Variants in FAM200B observed in about 807,000 individuals in gnomAD.
FAM200B encodes protein FAM200B.
FAM200B carries 32 observed loss-of-function variants against 33.1 expected under a neutral mutation model. That is an observed-to-expected ratio of 0.97 (90% CI 0.73 to 1.30). The LOEUF (loss-of-function observed/expected upper bound fraction) is 1.30. Ranked by LOEUF, FAM200B falls within the 50% of genes most tolerant of loss-of-function variation. The pLI is 0.00. For missense variants in FAM200B, 741 were observed against 754.0 expected (o/e 0.98, Z 0.20); for synonymous variants, 240 against 264.8 (o/e 0.91, Z 0.91).
chr4:15,674,914 G>A, the FAM200B span, among the ~76,000 whole-genome samples: 7 of 152,166 alleles, frequency 4.6e-5, no homozygotes, highest in Non-Finnish European at 1.0e-4. Context: ...CTCCCAAAGT[G>A]CTGGGATTAC....
chr4:15,661,422 A>T, the FAM200B span, among the ~76,000 whole-genome samples: 1 of 152,200 alleles, frequency 6.6e-6, no homozygotes, highest in Non-Finnish European at 1.5e-5. Context: ...GGAAGCACTA[A>T]ATGTTAGCTA....
the FAM200B span, among the ~76,000 whole-genome samples, chr4:15,676,440 A>G: frequency 6.6e-6 from 1 of 152,214 alleles, no homozygotes; most frequent in African/African-American, 2.4e-5. Context: ...AATAAATGTC[A>G]ACAACAAAAA....
At chr4:15,662,483 A>C in the FAM200B span, among the ~76,000 whole-genome samples, 8 of 152,224 alleles carry the variant, frequency 5.3e-5, no homozygotes, top group Admixed American at 6.5e-5. Context: ...TAAGCATTCA[A>C]TACTATCTTT....
chr4:15,660,537 C>G, the FAM200B span, among the ~76,000 whole-genome samples: 26 of 152,236 alleles, frequency 1.7e-4, no homozygotes, highest in Admixed American at 5.9e-4. Flanking sequence ...GGCTAATACA[C>G]GAAACATTGA....
chr4:15,682,900 G>A (rs1718462103), intron 1 of FAM200B, among the ~76,000 whole-genome samples: 1 of 152,200 alleles, frequency 6.6e-6, no homozygotes, highest in Admixed American at 6.5e-5. Flanking sequence ...AGAATGTATG[G>A]AGATCATGTG....
chr4:15,663,561 C>T, the FAM200B span, among the ~76,000 whole-genome samples: 4 of 152,268 alleles, frequency 2.6e-5, no homozygotes, highest in African/African-American at 4.8e-5. Context: ...TTGCTACTAC[C>T]GTTAAGCCAC....
the FAM200B span, among the ~76,000 whole-genome samples, chr4:15,673,599 A>G: frequency 1.3e-5 from 2 of 152,206 alleles, no homozygotes; most frequent in Non-Finnish European, 2.9e-5. Context: ...CATTGAACAA[A>G]ATGTCTTTAT....
At chr4:15,649,555 G>T in the FAM200B span, among the ~76,000 whole-genome samples, 6 of 141,884 alleles carry the variant, frequency 4.2e-5, no homozygotes, top group African/African-American at 1.6e-4. Flanking sequence ...ACTCCAGCCT[G>T]GAGACAGGGC....
rs1206513721 is a variant in FAM200B at position 15,681,890 on chromosome 4, G to A, written c.-754G>A. 4 of 153,282 alleles carry A rather than the reference G, an allele frequency of 2.6e-5. No homozygotes were observed. The highest frequency in any genetic ancestry group is 5.8e-5 in the Non-Finnish European group (4 of 68,866). The allele number at this position is 153,282 out of a possible 1,614,324, so 9.5% of individuals were successfully genotyped here. On this transcript the variant is annotated 5_prime_UTR_variant, in exon 1 of 2. Coordinates refer to ENST00000422728, the MANE Select transcript of FAM200B (RefSeq NM_001145191.2). ...CGCTGGGCCCGGCCGGGTCGCTGCGGCTGGGCTGGAGGTGAGGCGAAAGAA... is the reference window on the plus strand; with the variant it reads ...CGCTGGGCCCGGCCGGGTCGCTGCGACTGGGCTGGAGGTGAGGCGAAAGAA...
the FAM200B span, among the ~76,000 whole-genome samples, chr4:15,647,284 C>CAACA: frequency 1.8e-3 from 239 of 134,252 alleles, no homozygotes; most frequent in African/African-American, 6.2e-3. Context: ...ACAACAACAA[C>CAACA]AAAAAACAAT....
At chr4:15,657,503 A>G in the FAM200B span, among the ~76,000 whole-genome samples, 1 of 152,244 alleles carries the variant, frequency 6.6e-6, no homozygotes, top group African/African-American at 2.4e-5. Flanking sequence ...TTTGGCAACA[A>G]CAACAAAAAA....
chr4:15,642,799 C>G, the FAM200B span, among the ~76,000 whole-genome samples: 1 of 152,120 alleles, frequency 6.6e-6, no homozygotes. Context: ...TCATAAATGC[C>G]CATCTGGATT....
chr4:15,687,650 T>C lies in FAM200B; in HGVS notation c.673T>C (p.Phe225Leu). 1 of 1,551,226 alleles carries C rather than the reference T, an allele frequency of 6.4e-7. No individual in the cohort carries two copies. Among genetic ancestry groups the C allele is most frequent in the Non-Finnish European group, 8.7e-7 (1 of 1,146,734 alleles). Residue 225 changes from phenylalanine to leucine, a missense_variant, in exon 2 of 2, where the codon TTT (phenylalanine) becomes CTT (leucine). Coordinates refer to ENST00000422728, the MANE Select transcript of FAM200B (RefSeq NM_001145191.2). Reference sequence around the variant, plus strand: ...TACTCGTTTACAGTCTGGTATAGATTTTGCAATCCAGCTTGATGAAAGCAC... The same window carrying C: ...TACTCGTTTACAGTCTGGTATAGATCTTGCAATCCAGCTTGATGAAAGCAC... ...LITRLQSGID[F>L]AIQLDESTDI...
chr4:15,640,891 C>CA, the FAM200B span: 1 of 1,364,906 alleles, frequency 7.3e-7, no homozygotes, highest in Non-Finnish European at 9.7e-7. Flanking sequence ...ATTCTGGAAA[C>CA]CAAAAAAAAA....
At chr4:15,666,924 T>G in the FAM200B span, among the ~76,000 whole-genome samples, 1 of 152,132 alleles carries the variant, frequency 6.6e-6, no homozygotes, top group Non-Finnish European at 1.5e-5. Context: ...TAGCTTGATG[T>G]AATCATTCCA....
chr4:15,648,046 G>A, the FAM200B span, among the ~76,000 whole-genome samples: 26 of 152,076 alleles, frequency 1.7e-4, no homozygotes, highest in East Asian at 7.7e-4. Context: ...TTTTAGAGAC[G>A]GGGTCTCACT....
Position 15,690,201 on chromosome 4 carries a change from A to G in FAM200B, c.*1250A>G, listed in dbSNP as rs942588581. On this transcript the variant is annotated 3_prime_UTR_variant, in exon 2 of 2. Transcript: ENST00000422728. ...GCTTCACGTTGCTGATGCTTAAGCA[A>G]TGTATATTGTGTAATATACAATGTA... The G allele has an allele frequency of 6.0e-6, 1 of 167,102 alleles. No homozygotes were observed. Among genetic ancestry groups the G allele is most frequent in the Admixed American group, 6.5e-5 (1 of 15,286 alleles). 10.4% of individuals were successfully genotyped at this position (167,102 alleles called of 1,614,324 possible). A position where few individuals can be genotyped will look rare whatever the true frequency, so the allele number is the denominator to read the frequency against.
the FAM200B span, among the ~76,000 whole-genome samples, chr4:15,652,786 G>A: frequency 6.6e-6 from 1 of 152,110 alleles, no homozygotes; most frequent in Non-Finnish European, 1.5e-5. Context: ...GATAATAACT[G>A]GGCATTCAGA....
At chr4:15,655,315 A>AGCCGCG in the FAM200B span, 2 of 1,365,640 alleles carry the variant, frequency 1.5e-6, no homozygotes, top group Non-Finnish European at 1.9e-6. Flanking sequence ...CCGCCTCAGC[A>AGCCGCG]GCCGCGGCCG....
Sources: gnomAD v4.1 joint callset for allele counts (sites outside exome capture counted in the v4.1 genomes callset) on GRCh38, gnomAD v4.1.1 for gene constraint, MANE v1.5 for transcripts, NCBI Gene and HGNC (gene_info 2026-07-23, HGNC 2026-07-21) for gene names.